Variants in CLSTN2 observed in about 807,000 individuals in gnomAD.
CLSTN2 encodes the protein calsyntenin 2.
CLSTN2 carries 48 observed loss-of-function variants against 101.2 expected under a neutral mutation model. The observed-to-expected ratio is 0.47, with a 90% CI of 0.38 to 0.60. The LOEUF (loss-of-function observed/expected upper bound fraction) is 0.60. Ranked by LOEUF, CLSTN2 falls within the 20% of genes least tolerant of loss-of-function variation. The pLI is 0.00. For missense variants in CLSTN2, 1,160 were observed against 1,238.2 expected (o/e 0.94, Z 0.95); for synonymous variants, 481 against 463.6 (o/e 1.04, Z -0.48).
intron 13 of CLSTN2, 60 bp downstream of exon 13, chr3:140,562,368 GGGA>G (rs1935934542): frequency 9.3e-6 from 14 of 1,498,216 alleles, no homozygotes; most frequent in South Asian, 7.5e-5. Flanking sequence ...TCCTTGTCCA[GGGA>G]GACATGAGTG....
chr3:140,097,623 A>G (rs1274887592), intron 1 of CLSTN2, among the ~76,000 whole-genome samples: 1 of 152,226 alleles, frequency 6.6e-6, no homozygotes, highest in Admixed American at 6.5e-5. Flanking sequence ...TTCGAATTTT[A>G]GAAAAGAAAA....
intron 6 of CLSTN2, chr3:140,449,597 T>G (rs1186073800): frequency 1.3e-5 from 2 of 152,242 alleles, no homozygotes; most frequent in African/African-American, 4.8e-5. Flanking sequence ...TTACGGCTTC[T>G]TCCAGTCATT....
rs1343242330 is a variant in CLSTN2 at position 139,959,747 on chromosome 3, CT to C, written c.109+24271del. On this transcript the variant is annotated intron_variant, in intron 1 of 16. Coordinates refer to ENST00000458420, the MANE Select transcript of CLSTN2 (RefSeq NM_022131.3). ...TGTGCCCTCAGCCAACCCCGCCCCC[CT>C]TTTTTTACTCTACCTGCTCACACCC... Among the ~76,000 whole-genome samples, 12 of 152,188 alleles carry C rather than the reference CT, an allele frequency of 7.9e-5. No homozygotes were observed. The East Asian group carries it at 2.1e-3, about 27-fold the overall frequency.
chr3:140,056,873 T>C (rs879862021), intron 1 of CLSTN2, among the ~76,000 whole-genome samples: 1 of 152,258 alleles, frequency 6.6e-6, no homozygotes, highest in African/African-American at 2.4e-5. Context: ...TATCATTTTA[T>C]GGATACTGAA....
chr3:140,200,898 C>G (rs2010710021), intron 2 of CLSTN2, among the ~76,000 whole-genome samples: 2 of 152,094 alleles, frequency 1.3e-5, no homozygotes, highest in Non-Finnish European at 2.9e-5. Context: ...TACACCCCCT[C>G]CCTATCCAAG....
intron 8 of CLSTN2, among the ~76,000 whole-genome samples, chr3:140,478,019 A>G (rs765689413): frequency 1.3e-5 from 2 of 152,178 alleles, no homozygotes; most frequent in African/African-American, 2.4e-5. Flanking sequence ...TTCCTCCCCA[A>G]TAGAGAGTTG....
intron 1 of CLSTN2, among the ~76,000 whole-genome samples, chr3:140,034,376 T>C (rs2007615157): frequency 6.6e-6 from 1 of 152,210 alleles, no homozygotes. Context: ...TGGGATGTCA[T>C]CATTTTGTCA....
chr3:140,167,114 TG>T (rs549187448), intron 1 of CLSTN2, among the ~76,000 whole-genome samples: 70 of 152,286 alleles, frequency 4.6e-4, no homozygotes, highest in African/African-American at 1.5e-3. Flanking sequence ...CAGCATCCCA[TG>T]AAGCCAAGGT....
intron 2 of CLSTN2, among the ~76,000 whole-genome samples, chr3:140,310,147 G>A (rs1231737308): frequency 6.6e-6 from 1 of 152,010 alleles, no homozygotes; most frequent in Non-Finnish European, 1.5e-5. Context: ...ACATCCCCCG[G>A]GTTACTACAG....
chr3:140,524,584 C>T (rs183311928), intron 8 of CLSTN2, among the ~76,000 whole-genome samples: 61 of 152,280 alleles, frequency 4.0e-4, no homozygotes, highest in African/African-American at 1.4e-3. Context: ...GACACTTGAC[C>T]AACTGGACCT....
intron 2 of CLSTN2, among the ~76,000 whole-genome samples, chr3:140,244,752 T>G (rs956242860): frequency 1.3e-5 from 2 of 152,236 alleles, no homozygotes; most frequent in Non-Finnish European, 2.9e-5. Context: ...GTTAATACCC[T>G]ATTTGTGTTA....
At chr3:140,500,720 C>G (rs924336906) in intron 8 of CLSTN2, among the ~76,000 whole-genome samples, 8 of 152,102 alleles carry the variant, frequency 5.3e-5, no homozygotes, top group Non-Finnish European at 1.2e-4. Context: ...CTTCTTCTGG[C>G]CTTACTTTTT....
intron 4 of CLSTN2, among the ~76,000 whole-genome samples, chr3:140,408,164 A>G (rs938412785): frequency 1.3e-5 from 2 of 152,170 alleles, no homozygotes; most frequent in African/African-American, 2.4e-5. Flanking sequence ...GCATCATCCC[A>G]TCCCCCAGAC....
At chr3:140,145,415 C>T (rs1445597264) in intron 1 of CLSTN2, among the ~76,000 whole-genome samples, 1 of 152,250 alleles carries the variant, frequency 6.6e-6, no homozygotes, top group Non-Finnish European at 1.5e-5. Context: ...CCGCCCGGCA[C>T]ACATGGGCAC....
chr3:140,012,678 G>T (rs944073063), intron 1 of CLSTN2, among the ~76,000 whole-genome samples: 3 of 152,170 alleles, frequency 2.0e-5, no homozygotes, highest in Non-Finnish European at 4.4e-5. Context: ...AGAGTCATTA[G>T]GTTTTGCAGC....
chr3:140,188,716 C>A (rs1373750815), intron 2 of CLSTN2, among the ~76,000 whole-genome samples: 3 of 152,136 alleles, frequency 2.0e-5, no homozygotes, highest in South Asian at 2.1e-4. Flanking sequence ...AAATTAAATT[C>A]TTTATTTTGA....
At chr3:140,338,644 A>G (rs1330760497) in intron 2 of CLSTN2, among the ~76,000 whole-genome samples, 1 of 152,068 alleles carries the variant, frequency 6.6e-6, no homozygotes, top group African/African-American at 2.4e-5. Flanking sequence ...CTTTTCAGAG[A>G]GCTCTTATTC....
chr3:140,028,906 C>CCCTAG (rs1330891251), intron 1 of CLSTN2, among the ~76,000 whole-genome samples: 1 of 152,172 alleles, frequency 6.6e-6, no homozygotes, highest in Admixed American at 6.5e-5. Flanking sequence ...ACCTCCACTG[C>CCCTAG]TGGTGCCCTA....
At chr3:139,974,395 G>T (rs1442408605) in intron 1 of CLSTN2, among the ~76,000 whole-genome samples, 1 of 152,090 alleles carries the variant, frequency 6.6e-6, no homozygotes, top group Non-Finnish European at 1.5e-5. Flanking sequence ...ATCTAGAAGT[G>T]GTCCAAGATA....
Sources: allele counts gnomAD v4.1 joint callset (sites outside exome capture counted in the v4.1 genomes callset), GRCh38; gene constraint gnomAD v4.1.1; transcripts MANE v1.5; gene names NCBI Gene and HGNC (gene_info 2026-07-23, HGNC 2026-07-21).